Variants in PDLIM5 observed in about 807,000 individuals in gnomAD.
PDLIM5 encodes PDZ and LIM domain protein 5.
In PDLIM5, 34 loss-of-function variants were observed where a neutral mutation model predicts 64.2. That is an observed-to-expected ratio of 0.53 (90% CI 0.40 to 0.71). The LOEUF is 0.71. Among genes scored for constraint, PDLIM5 ranks in the 30% least tolerant of loss-of-function variants. PDLIM5 has a pLI of 0.00. For missense variants in PDLIM5, 683 were observed against 733.6 expected (o/e 0.93, Z 0.80); for synonymous variants, 253 against 269.1 (o/e 0.94, Z 0.59).
Position 94,455,248 on chromosome 4 carries a change from A to G in PDLIM5, c.-41A>G. The G allele has an allele frequency of 8.8e-7, 1 of 1,140,230 alleles. No homozygotes were observed. Among genetic ancestry groups the G allele is most frequent in the Non-Finnish European group, 1.3e-6 (1 of 753,722 alleles). 70.6% of individuals were successfully genotyped at this position (1,140,230 alleles called of 1,614,324 possible). A position where few individuals can be genotyped will look rare whatever the true frequency, so the allele number is the denominator to read the frequency against. On this transcript the variant is annotated splice_region_variant and 5_prime_UTR_variant, in exon 2 of 13. Coordinates refer to ENST00000317968, the MANE Select transcript of PDLIM5 (RefSeq NM_006457.5). ...TAATCATCTGATTTTCTTTCACAGC[A>G]TATTTCATTTTCTGTCATTGGACTT...
intron 2 of PDLIM5, among the ~76,000 whole-genome samples, chr4:94,497,623 C>T (rs1191343203): frequency 1.3e-5 from 2 of 152,126 alleles, no homozygotes; most frequent in Non-Finnish European, 2.9e-5. Flanking sequence ...ACTATTCTGT[C>T]TTAAAGCCTG....
At chr4:94,588,577 A>G (rs1173459669) in intron 7 of PDLIM5, among the ~76,000 whole-genome samples, 3 of 151,284 alleles carry the variant, frequency 2.0e-5, no homozygotes. Flanking sequence ...ATAAATAAAT[A>G]AATAAATAAA....
At chr4:94,487,269 G>A (rs1429869642) in intron 2 of PDLIM5, among the ~76,000 whole-genome samples, 1 of 152,138 alleles carries the variant, frequency 6.6e-6, no homozygotes, top group Non-Finnish European at 1.5e-5. Flanking sequence ...AAAGGTATCA[G>A]TGCTGCCCCT....
At chr4:94,480,048 A>G (rs1227408942) in intron 2 of PDLIM5, among the ~76,000 whole-genome samples, 1 of 152,260 alleles carries the variant, frequency 6.6e-6, no homozygotes, top group Non-Finnish European at 1.5e-5. Flanking sequence ...TCACTAAATC[A>G]GCAGCTGTCT....
chr4:94,462,940 T>C (rs920797511), intron 2 of PDLIM5, among the ~76,000 whole-genome samples: 1 of 152,212 alleles, frequency 6.6e-6, no homozygotes, highest in African/African-American at 2.4e-5. Context: ...TTTTGCAAGA[T>C]AATCTAGGAA....
In PDLIM5 at chr4:94,667,366, T is replaced by G. The variant is rs1743126228; in HGVS notation, c.*3299T>G. On this transcript the variant is annotated 3_prime_UTR_variant, in exon 13 of 13. Transcript: ENST00000317968. ...CAGCCCACTGTGGGTCAAAAATATT[T>G]GGGGAAAAAAATGGATGGTTGCGCC... 1 of 152,190 alleles carries G rather than the reference T, an allele frequency of 6.6e-6. No homozygotes were observed. Among genetic ancestry groups the G allele is most frequent in the Admixed American group, 6.5e-5 (1 of 15,276 alleles). 9.4% of individuals were successfully genotyped at this position (152,190 alleles called of 1,614,324 possible).
At chr4:94,585,039 T>C in intron 5 of PDLIM5, 2 of 1,110,912 alleles carry the variant, frequency 1.8e-6, no homozygotes, top group Non-Finnish European at 2.7e-6. Context: ...AATAGCATTA[T>C]TTTATATTAA....
intron 2 of PDLIM5, among the ~76,000 whole-genome samples, chr4:94,491,811 A>G (rs2126120242): frequency 6.6e-6 from 1 of 152,210 alleles, no homozygotes; most frequent in East Asian, 1.9e-4. Flanking sequence ...ATGGAGTACA[A>G]TGTGATGTTT....
At chr4:94,555,597 C>T (rs991228599) in intron 3 of PDLIM5, among the ~76,000 whole-genome samples, 2 of 152,048 alleles carry the variant, frequency 1.3e-5, no homozygotes, top group African/African-American at 2.4e-5. Context: ...TTATTTCAGC[C>T]ACCACTGAAG....
rs558037346 is a variant in PDLIM5 at position 94,651,552 on chromosome 4, A to G, written c.1284-2908A>G. On this transcript the variant is annotated intron_variant, in intron 9 of 12. Transcript: ENST00000317968. ...GGGAAAAAGAATGAAATTCATCGATAGGCTCGTTAAAAATGAAGCTAACGT... is the reference window on the plus strand; with the variant it reads ...GGGAAAAAGAATGAAATTCATCGATGGGCTCGTTAAAAATGAAGCTAACGT... 3.7e-4 allele frequency among the ~76,000 whole-genome samples: 57 copies of G among 152,332 alleles called. 1 individual carries two copies. Among genetic ancestry groups the G allele is most frequent in the African/African-American group, 1.1e-3 (44 of 41,588 alleles).
chr4:94,653,244 G>A (rs1220293621), intron 9 of PDLIM5, among the ~76,000 whole-genome samples: 1 of 151,868 alleles, frequency 6.6e-6, no homozygotes, highest in Admixed American at 6.6e-5. Context: ...TATGATATTT[G>A]TCATATCTTT....
chr4:94,457,516 TTTAA>T (rs1168478759), intron 2 of PDLIM5, among the ~76,000 whole-genome samples: 3 of 152,256 alleles, frequency 2.0e-5, no homozygotes, highest in African/African-American at 4.8e-5. Context: ...AATATTCTAC[TTTAA>T]TTATCTAAAG....
chr4:94,465,085 A>G (rs182962748), intron 2 of PDLIM5, among the ~76,000 whole-genome samples: 4 of 152,296 alleles, frequency 2.6e-5, no homozygotes, highest in Admixed American at 2.6e-4. Context: ...TTATAGTCCA[A>G]AATGCCAATT....
rs2110515130 is a variant in PDLIM5 at position 94,665,500 on chromosome 4, A to G, written c.*1433A>G. ...GGCTCTTAAAAAAAAAAAAAAAAAA[A>G]AAAAAAGAGAGAGAGAGAATAAATA... On this transcript the variant is annotated 3_prime_UTR_variant, in exon 13 of 13. Transcript: ENST00000317968. The G allele has an allele frequency of 2.5e-6, 2 of 793,616 alleles. No individual in the cohort carries two copies. The highest frequency in any genetic ancestry group is 3.0e-6 in the Non-Finnish European group (2 of 657,234). The allele number at this position is 793,616 out of a possible 1,614,324, so 49.2% of individuals were successfully genotyped here.
At chr4:94,636,452 A>G (rs867673268) in intron 8 of PDLIM5, among the ~76,000 whole-genome samples, 6 of 149,656 alleles carry the variant, frequency 4.0e-5, no homozygotes, top group African/African-American at 1.5e-4. Flanking sequence ...TCCTTTTTTC[A>G]TGTAACTGAT....
At chr4:94,588,917 C>T (rs1286841783) in intron 7 of PDLIM5, among the ~76,000 whole-genome samples, 1 of 152,162 alleles carries the variant, frequency 6.6e-6, no homozygotes, top group Non-Finnish European at 1.5e-5. Flanking sequence ...TTTATCTATG[C>T]TCATTTCTAG....
intron 3 of PDLIM5, among the ~76,000 whole-genome samples, chr4:94,550,764 A>G (rs1211153872): frequency 6.6e-6 from 1 of 152,138 alleles, no homozygotes; most frequent in African/African-American, 2.4e-5. Context: ...TCTGCAATTA[A>G]TGATGGTTTT....
chr4:94,502,853 G>A (rs1308692443), intron 2 of PDLIM5, among the ~76,000 whole-genome samples: 1 of 151,918 alleles, frequency 6.6e-6, no homozygotes, highest in Admixed American at 6.6e-5. Flanking sequence ...CTTCATCCTG[G>A]ACAATGGAGT....
chr4:94,461,698 A>G (rs1202139176), intron 2 of PDLIM5, among the ~76,000 whole-genome samples: 3 of 152,054 alleles, frequency 2.0e-5, no homozygotes, highest in Admixed American at 6.6e-5. Context: ...ATTTTTTATG[A>G]CAATTACTAG....
Sources: allele counts gnomAD v4.1 joint callset (sites outside exome capture counted in the v4.1 genomes callset), GRCh38; gene constraint gnomAD v4.1.1; transcripts MANE v1.5; gene names NCBI Gene and HGNC (gene_info 2026-07-23, HGNC 2026-07-21).